Variants in CTNNA2 observed in about 807,000 individuals in gnomAD.
CTNNA2 encodes catenin alpha-2.
Under a neutral mutation model 101.0 loss-of-function variants are expected in CTNNA2, and 42 were observed. The ratio of observed to expected loss-of-function variants is 0.42; its 90% CI spans 0.32 to 0.54. CTNNA2 has a LOEUF of 0.54. Among genes scored for constraint, CTNNA2 ranks in the 20% least tolerant of loss-of-function variants. The pLI, the probability that CTNNA2 is intolerant of heterozygous loss-of-function variation, is 0.14. For synonymous variants in CTNNA2, 450 were observed against 456.4 expected (o/e 0.99, Z 0.18); for missense variants, 871 against 1,223.1 (o/e 0.71, Z 4.29).
At chr2:80,109,349 T>C (rs1405525108) in intron 7 of CTNNA2, among the ~76,000 whole-genome samples, 1 of 152,030 alleles carries the variant, frequency 6.6e-6, no homozygotes, top group Non-Finnish European at 1.5e-5. Flanking sequence ...TAGTCCCAGC[T>C]ACTTGGGAGG....
chr2:79,307,471 T>C (rs545438259), intron 2 of CTNNA2, among the ~76,000 whole-genome samples: 2 of 152,302 alleles, frequency 1.3e-5, no homozygotes, highest in South Asian at 2.1e-4. Context: ...TGAGAACATG[T>C]GGTGTTTAAC....
chr2:80,181,603 T>C (rs1000468388), intron 7 of CTNNA2, among the ~76,000 whole-genome samples: 5 of 152,208 alleles, frequency 3.3e-5, no homozygotes, highest in Non-Finnish European at 5.9e-5. Flanking sequence ...CTTGGAAGAT[T>C]TGAGGCTCAG....
At chr2:80,088,347 G>A (rs777451019) in intron 7 of CTNNA2, among the ~76,000 whole-genome samples, 3 of 151,924 alleles carry the variant, frequency 2.0e-5, no homozygotes, top group Non-Finnish European at 2.9e-5. Flanking sequence ...TGAGTGAGAC[G>A]TCTGAGCCTG....
At chr2:80,445,428 A>G (rs1034139286) in intron 9 of CTNNA2, among the ~76,000 whole-genome samples, 1 of 151,960 alleles carries the variant, frequency 6.6e-6, no homozygotes, top group Non-Finnish European at 1.5e-5. Flanking sequence ...GTGATCCACC[A>G]CCTTATTCCC....
intron 7 of CTNNA2, among the ~76,000 whole-genome samples, chr2:80,027,670 T>C (rs551865648): frequency 4.0e-4 from 61 of 152,174 alleles, no homozygotes; most frequent in Non-Finnish European, 6.8e-4. Context: ...GTATAAATCA[T>C]TGTGGGGCGG....
At chr2:79,326,790 A>T (rs1676757467) in intron 3 of CTNNA2, among the ~76,000 whole-genome samples, 1 of 152,160 alleles carries the variant, frequency 6.6e-6, no homozygotes, top group South Asian at 2.1e-4. Context: ...TAATTGAAAA[A>T]CCAAGTGTAG....
At chr2:79,842,372 G>C (rs1207853886) in intron 3 of CTNNA2, among the ~76,000 whole-genome samples, 1 of 152,160 alleles carries the variant, frequency 6.6e-6, no homozygotes, top group Non-Finnish European at 1.5e-5. Flanking sequence ...ACCCCATGGA[G>C]TTTTAAATGA....
intron 1 of CTNNA2, among the ~76,000 whole-genome samples, chr2:79,549,175 T>C (rs1286521424): frequency 1.3e-5 from 2 of 152,170 alleles, no homozygotes; most frequent in Non-Finnish European, 2.9e-5. Context: ...CGTTATATCA[T>C]TTAAAAAAGA....
chr2:79,474,695 G>T (rs140246964), intron 4 of CTNNA2, among the ~76,000 whole-genome samples: 21 of 152,210 alleles, frequency 1.4e-4, no homozygotes, highest in African/African-American at 3.1e-4. Flanking sequence ...CTAAGTCATA[G>T]TTCATTTCCA....
At chr2:80,209,485 G>A (rs767007285) in intron 7 of CTNNA2, among the ~76,000 whole-genome samples, 5 of 151,966 alleles carry the variant, frequency 3.3e-5, no homozygotes, top group African/African-American at 7.3e-5. Context: ...GCTACTGTAC[G>A]CTGCCCAGAG....
At chr2:80,322,457 G>C (rs1678794471) in intron 7 of CTNNA2, among the ~76,000 whole-genome samples, 1 of 152,090 alleles carries the variant, frequency 6.6e-6, no homozygotes, top group Admixed American at 6.6e-5. Context: ...CACAATTCGG[G>C]CCCACGTAGA....
intron 2 of CTNNA2, among the ~76,000 whole-genome samples, chr2:79,235,929 G>A (rs762910901): frequency 3.5e-4 from 54 of 152,232 alleles, no homozygotes; most frequent in Non-Finnish European, 5.9e-4. Flanking sequence ...GCAACAGGAC[G>A]CTACCCCACT....
chr2:80,315,800 T>C (rs1005052077), intron 7 of CTNNA2, among the ~76,000 whole-genome samples: 1 of 152,186 alleles, frequency 6.6e-6, no homozygotes, highest in Non-Finnish European at 1.5e-5. Flanking sequence ...TTAATATTAT[T>C]ACAACTCTAA....
chr2:80,510,079 A>G (rs1688591316), intron 9 of CTNNA2, among the ~76,000 whole-genome samples: 1 of 152,218 alleles, frequency 6.6e-6, no homozygotes, highest in Admixed American at 6.5e-5. Flanking sequence ...CAGTTAGTAT[A>G]GTTTATGGCA....
intron 7 of CTNNA2, among the ~76,000 whole-genome samples, chr2:80,351,771 G>A (rs919185251): frequency 9.9e-5 from 15 of 151,910 alleles, no homozygotes; most frequent in Non-Finnish European, 1.3e-4. Context: ...GGCCAAATTC[G>A]GTACTTTAGT....
rs368274262 is a variant in CTNNA2 at position 79,391,754 on chromosome 2, T to G, written c.-135+17741T>G. The stretch of plus-strand genomic sequence containing the variant: ...TGGATTTCAAACCCAGCAATCTGAT[T>G]GTCCTTCATATAAGTTTGCCAGGGC... On this transcript the variant is annotated intron_variant, in intron 4 of 21. Transcript: ENST00000466387. Among the ~76,000 whole-genome samples, 48 of 152,304 alleles carry G rather than the reference T, an allele frequency of 3.2e-4. 1 individual carries two copies. In the South Asian group the frequency reaches 9.7e-3, roughly 31 times the overall value.
chr2:79,360,721 G>C (rs1437971157), intron 3 of CTNNA2, among the ~76,000 whole-genome samples: 5 of 152,116 alleles, frequency 3.3e-5, no homozygotes, highest in African/African-American at 1.2e-4. Context: ...TGAGGGTAAA[G>C]AAACACACCT....
intron 9 of CTNNA2, among the ~76,000 whole-genome samples, chr2:80,493,411 G>A (rs903188287): frequency 6.6e-6 from 1 of 152,184 alleles, no homozygotes; most frequent in African/African-American, 2.4e-5. Flanking sequence ...GAGAATAGAA[G>A]TTGGTGATCT....
At chr2:80,398,700 CAA>C (rs1236606091) in intron 8 of CTNNA2, among the ~76,000 whole-genome samples, 18 of 97,648 alleles carry the variant, frequency 1.8e-4, no homozygotes, top group East Asian at 3.2e-4. Flanking sequence ...GCTAAAAATA[CAA>C]AAAAAAAAAA....
Sources: allele counts gnomAD v4.1 joint callset (sites outside exome capture counted in the v4.1 genomes callset), GRCh38; gene constraint gnomAD v4.1.1; transcripts MANE v1.5; gene names NCBI Gene and HGNC (gene_info 2026-07-23, HGNC 2026-07-21).